The following EPB41L1 variants were observed in gnomAD, a reference collection of about 807,000 sequenced individuals.
The protein encoded by EPB41L1 is erythrocyte membrane protein band 4.1 like 1, also known as band 4.1-like protein 1.
In EPB41L1, 29 loss-of-function variants were observed where a neutral mutation model predicts 97.8. The ratio of observed to expected loss-of-function variants is 0.30; its 90% CI spans 0.22 to 0.40. EPB41L1 has a LOEUF of 0.40. EPB41L1 is among the 10% of genes least tolerant of loss of function. The pLI is 1.00. For synonymous variants in EPB41L1, 383 were observed against 459.2 expected (o/e 0.83, Z 2.12); for missense variants, 812 against 1,162.3 (o/e 0.70, Z 4.38).
chr20:36,105,164 A>G (rs1437416185), intron 1 of EPB41L1, among the ~76,000 whole-genome samples: 2 of 152,200 alleles, frequency 1.3e-5, no homozygotes, highest in Non-Finnish European at 2.9e-5. Context: ...AGCAAGAGAC[A>G]TGACTGTATG....
At chr20:36,181,476 A>G (rs893314059) in intron 5 of EPB41L1, among the ~76,000 whole-genome samples, 3 of 152,108 alleles carry the variant, frequency 2.0e-5, no homozygotes, top group Non-Finnish European at 4.4e-5. Flanking sequence ...CCCCTAAAAT[A>G]TCCCTTTGTT....
chr20:36,207,529 G>GT lies in EPB41L1; in HGVS notation c.1669-1958dup. ...TGAAGCAAGGTCCCTTCCAAATGAC[G>GT]TATCTTCAGAGGCACCCGTGGGACA... On this transcript the variant is annotated intron_variant, in intron 14 of 21. Transcript: ENST00000338074. This position sits in a 1 kb window ranked among gnomAD's most constrained non-coding sequence, Gnocchi z 4.9. 7.8e-7 allele frequency: 1 copy of GT among 1,289,886 alleles called. No homozygotes were observed. The highest frequency in any genetic ancestry group is 1.5e-5 in the African/African-American group (1 of 65,966). 79.9% of individuals were successfully genotyped at this position (1,289,886 alleles called of 1,614,324 possible). A position where few individuals can be genotyped will look rare whatever the true frequency, so the allele number is the denominator to read the frequency against.
chr20:36,144,682 T>C (rs1054167471), intron 2 of EPB41L1, among the ~76,000 whole-genome samples: 2 of 152,018 alleles, frequency 1.3e-5, no homozygotes, highest in African/African-American at 2.4e-5. Flanking sequence ...TATTATATGA[T>C]GGAAAGGCAG....
In EPB41L1 at chr20:36,093,878, C is replaced by T. The variant is rs902763648; in HGVS notation, c.-65+2266C>T. On this transcript the variant is annotated intron_variant, in intron 1 of 19. Coordinates refer to the EPB41L1 transcript ENST00000202028. The surrounding 1 kb of genome is among the most constrained non-coding windows in gnomAD (Gnocchi z 5.4). ...AGCCCCCCACCAGACCTAGCCTGTG[C>T]CAGTCTCACCCGTGCAGGGCTCTGG... is the stretch of plus-strand genomic sequence containing the variant. 1.3e-5 allele frequency among the ~76,000 whole-genome samples: 2 copies of T among 152,070 alleles called. No individual in the cohort carries two copies. The highest frequency in any genetic ancestry group is 2.9e-5 in the Non-Finnish European group (2 of 67,998).
intron 1 of EPB41L1, among the ~76,000 whole-genome samples, chr20:36,169,506 G>A (rs1278783315): frequency 6.6e-6 from 1 of 152,144 alleles, no homozygotes. Context: ...CTCCCAGCAA[G>A]GCTCCCAGCT....
intron 2 of EPB41L1, chr20:36,113,810 A>G (rs2058499442): frequency 6.6e-6 from 1 of 152,600 alleles, no homozygotes; most frequent in Non-Finnish European, 1.5e-5. Context: ...GTATGTGCGC[A>G]TAGGGAAGGT....
intron 2 of EPB41L1, among the ~76,000 whole-genome samples, chr20:36,133,277 C>T (rs2059290420): frequency 6.6e-6 from 1 of 152,230 alleles, no homozygotes; most frequent in Admixed American, 6.5e-5. Context: ...AAAAGACCAC[C>T]ATTTCTTCCC....
At chr20:36,117,425 T>TGAA (rs2058620350) in intron 2 of EPB41L1, among the ~76,000 whole-genome samples, 1 of 137,936 alleles carries the variant, frequency 7.2e-6, no homozygotes, top group African/African-American at 3.6e-5. Context: ...AGAAGAATTC[T>TGAA]TTCATAATTC....
chr20:36,115,614 A>G (rs193286950), intron 2 of EPB41L1, among the ~76,000 whole-genome samples: 1 of 152,304 alleles, frequency 6.6e-6, no homozygotes, highest in East Asian at 1.9e-4. Flanking sequence ...GCAACAGTCC[A>G]GGTGCTGTGG....
At chr20:36,119,029 T>C (rs1382041426) in intron 2 of EPB41L1, among the ~76,000 whole-genome samples, 1 of 152,168 alleles carries the variant, frequency 6.6e-6, no homozygotes, top group South Asian at 2.1e-4. Flanking sequence ...AACCAAGCAC[T>C]TCTTCTATAA....
intron 1 of EPB41L1, among the ~76,000 whole-genome samples, chr20:36,166,774 A>G (rs1336234985): frequency 1.3e-5 from 2 of 152,168 alleles, no homozygotes. Context: ...CCAAGGCAGG[A>G]GAATTGCTTG....
chr20:36,195,253 A>G lies in EPB41L1; in HGVS notation c.1450-76A>G. On this transcript the variant is annotated intron_variant, in intron 12 of 21. Coordinates refer to ENST00000338074, the MANE Select transcript of EPB41L1 (RefSeq NM_012156.2). The surrounding 1 kb of genome is among the most constrained non-coding windows in gnomAD (Gnocchi z 4.6). ...GTGCTCTGGGCTCCTTGCTGGACCA[A>G]GCCCATCGTGGTATCTCTAATCCAT... 1 of 1,588,726 alleles carries G rather than the reference A, an allele frequency of 6.3e-7. No individual in the cohort carries two copies. Among genetic ancestry groups the G allele is most frequent in the Non-Finnish European group, 8.6e-7 (1 of 1,158,040 alleles).
At chr20:36,130,728 G>A (rs2059162571) in intron 2 of EPB41L1, among the ~76,000 whole-genome samples, 1 of 151,282 alleles carries the variant, frequency 6.6e-6, no homozygotes, top group African/African-American at 2.4e-5. Context: ...CAGCATCCAG[G>A]GTGAATGGCA....
intron 2 of EPB41L1, among the ~76,000 whole-genome samples, chr20:36,140,037 T>G (rs564726125): frequency 4.4e-5 from 6 of 136,658 alleles, no homozygotes; most frequent in South Asian, 2.3e-4. Context: ...GCCTAGGTGG[T>G]TTTTTTTTGT....
At position 36,207,889 on chromosome 20, in the gene EPB41L1, T is replaced by G. The variant is rs570940472; in HGVS notation, c.1669-1599T>G. ...TGTTTCAGTGGCCCCTCGTCATTTC[T>G]GCAATCAGAGGCTGCTTATCCATCC... On this transcript the variant is annotated intron_variant, in intron 14 of 21. Coordinates refer to ENST00000338074, the MANE Select transcript of EPB41L1 (RefSeq NM_012156.2). The surrounding 1 kb of genome is among the most constrained non-coding windows in gnomAD (Gnocchi z 4.9). 8.8e-7 allele frequency: 1 copy of G among 1,141,420 alleles called. No individual in the cohort carries two copies. The highest frequency in any genetic ancestry group is 3.3e-5 in the Admixed American group (1 of 30,020). 70.7% of individuals were successfully genotyped at this position (1,141,420 alleles called of 1,614,324 possible). A position where few individuals can be genotyped will look rare whatever the true frequency, so the allele number is the denominator to read the frequency against.
At position 36,218,926 on chromosome 20, in the gene EPB41L1, A is replaced by G. The variant is rs1316551342; in HGVS notation, c.2319A>G (p.Pro773=). ...GKGAAAMIPG[P]QTVATEIRSL... The stretch of plus-strand genomic sequence containing the variant: ...GGGCAGCTGCCATGATCCCAGGCCC[A>G]CAGACGGTGGCCACGGAAATCCGTT... Residue 773 remains proline, a synonymous_variant, in exon 18 of 22, where the codon CCA becomes CCG. Transcript: ENST00000338074. 1.2e-6 allele frequency: 2 copies of G among 1,614,236 alleles called. No individual in the cohort carries two copies. Among genetic ancestry groups the G allele is most frequent in the Admixed American group, 3.3e-5 (2 of 60,032 alleles).
chr20:36,154,712 G>C (rs1264829463), upstream of EPB41L1: 1 of 984,238 alleles, frequency 1.0e-6, no homozygotes, highest in Non-Finnish European at 1.2e-6. This position sits in a 1 kb window ranked among gnomAD's most constrained non-coding sequence, Gnocchi z 5.5. Flanking sequence ...GGCGCACGCC[G>C]AGCCGCCGCC....
Position 36,207,810 on chromosome 20 carries a change from C to T in EPB41L1, c.1669-1678C>T. 1 of 1,273,014 alleles carries T rather than the reference C, an allele frequency of 7.9e-7. No individual in the cohort carries two copies. Among genetic ancestry groups the T allele is most frequent in the East Asian group, 5.6e-5 (1 of 17,856 alleles). 78.9% of individuals were successfully genotyped at this position (1,273,014 alleles called of 1,614,324 possible). A position where few individuals can be genotyped will look rare whatever the true frequency, so the allele number is the denominator to read the frequency against. On this transcript the variant is annotated intron_variant, in intron 14 of 21. Transcript: ENST00000338074. The surrounding 1 kb of genome is among the most constrained non-coding windows in gnomAD (Gnocchi z 4.9). ...CTGGCCGCGTGAGCCCCCGCCCCCA[C>T]CGCTGCTCCCCGCCCATGGGGGCTG...
At chr20:36,176,635 T>TC (rs2061245429) in intron 3 of EPB41L1, among the ~76,000 whole-genome samples, 2 of 150,220 alleles carry the variant, frequency 1.3e-5, no homozygotes, top group African/African-American at 4.9e-5. Context: ...TTTTTCTTTT[T>TC]TTTTTTTTTT....
Sources: allele counts gnomAD v4.1 joint callset (sites outside exome capture counted in the v4.1 genomes callset), GRCh38; gene constraint gnomAD v4.1.1; non-coding constraint Gnocchi (gnomAD v3.1); transcripts MANE v1.5; gene names NCBI Gene and HGNC (gene_info 2026-07-23, HGNC 2026-07-21).